The following EDDM13 variants were observed in gnomAD, a reference collection of about 807,000 sequenced individuals.
The protein encoded by EDDM13 is epididymal protein 13.
A neutral mutation model predicts 17.8 loss-of-function variants in EDDM13; 24 were observed. The ratio of observed to expected loss-of-function variants is 1.35; its 90% CI spans 0.98 to 1.90. The LOEUF is 1.90. EDDM13 is among the 40% of genes most tolerant of loss of function. The pLI is 0.00. For missense variants in EDDM13, 97 were observed against 100.8 expected (o/e 0.96, Z 0.16); for synonymous variants, 31 against 37.5 (o/e 0.83, Z 0.63).
chr19:56,273,124 C>T (rs2037974421), intron 1 of EDDM13, among the ~76,000 whole-genome samples: 2 of 152,304 alleles, frequency 1.3e-5, no homozygotes, highest in Non-Finnish European at 2.9e-5. Context: ...ACACTTGTGT[C>T]TGCATCCTGG....
chr19:56,301,369 C>T (rs1004391518), intron 12 of EDDM13, among the ~76,000 whole-genome samples: 3 of 152,016 alleles, frequency 2.0e-5, no homozygotes, highest in Non-Finnish European at 2.9e-5. Flanking sequence ...CTGAAGTTGC[C>T]ATGCCATCTG....
chr19:56,301,914 C>A, intron 12 of EDDM13, 54 bp from the exon 13 acceptor site: 1 of 1,231,884 alleles, frequency 8.1e-7, no homozygotes, highest in Non-Finnish European at 1.0e-6. Flanking sequence ...ACAGGAAGCT[C>A]TAAGGCAGGA....
intron 2 of EDDM13, among the ~76,000 whole-genome samples, chr19:56,278,232 T>C (rs982824640): frequency 2.6e-5 from 4 of 152,146 alleles, no homozygotes; most frequent in African/African-American, 9.7e-5. Context: ...AGCAATTATC[T>C]TGCCTCAGCA....
At chr19:56,304,948 T>C (rs896125594) in intron 14 of EDDM13, 118 bp downstream of exon 14, 10 of 248,770 alleles carry the variant, frequency 4.0e-5, no homozygotes, top group Admixed American at 3.9e-4. Context: ...GCTGCAATCA[T>C]AGAAACCCAG....
At chr19:56,282,257 G>C (rs967271876) in intron 3 of EDDM13, among the ~76,000 whole-genome samples, 29 of 152,114 alleles carry the variant, frequency 1.9e-4, no homozygotes, top group Non-Finnish European at 4.4e-5. Flanking sequence ...CAGGCCACTG[G>C]TACCCCTGAA....
chr19:56,288,045 G>A (rs755631071), intron 6 of EDDM13, among the ~76,000 whole-genome samples: 1 of 152,194 alleles, frequency 6.6e-6, no homozygotes, highest in Non-Finnish European at 1.5e-5. Context: ...GGCACAAGGA[G>A]ATGGAGTGAG....
intron 4 of EDDM13, 106 bp downstream of exon 4, chr19:56,282,605 C>T: frequency 1.6e-6 from 1 of 636,822 alleles, no homozygotes; most frequent in Non-Finnish European, 2.0e-6. Flanking sequence ...GGTCTGTTCA[C>T]AGCTTAGCTT....
At chr19:56,272,976 C>A in intron 1 of EDDM13, 57 bp downstream of exon 1, 1 of 765,156 alleles carries the variant, frequency 1.3e-6, no homozygotes, top group Non-Finnish European at 1.6e-6. Context: ...ACTTGGGAGG[C>A]TCTTGTGGGC....
At chr19:56,292,019 G>C (rs117377938) in intron 9 of EDDM13, among the ~76,000 whole-genome samples, 3,465 of 152,252 alleles carry the variant, frequency 0.023, 69 homozygotes, top group South Asian at 0.076. Context: ...AGGTATAAAG[G>C]TTAGGTAACT....
At chr19:56,302,638 T>C (rs1208321780) in intron 13 of EDDM13, among the ~76,000 whole-genome samples, 2 of 110,390 alleles carry the variant, frequency 1.8e-5, no homozygotes, top group Admixed American at 1.0e-4. Flanking sequence ...TCCTCCTCCC[T>C]TCCTTTTCTT....
intron 1 of EDDM13, among the ~76,000 whole-genome samples, chr19:56,273,696 G>T (rs1210160726): frequency 6.6e-6 from 1 of 152,136 alleles, no homozygotes; most frequent in East Asian, 1.9e-4. Flanking sequence ...AACGTGGTAG[G>T]CAGAAGGAGG....
intron 14 of EDDM13, among the ~76,000 whole-genome samples, chr19:56,305,632 G>A (rs1051241984): frequency 1.1e-4 from 17 of 152,126 alleles, no homozygotes; most frequent in African/African-American, 3.9e-4. Flanking sequence ...TGTTTATAAC[G>A]ACCCACTGAT....
At chr19:56,283,552 G>A (rs1041261082) in intron 4 of EDDM13, 2 of 152,162 alleles carry the variant, frequency 1.3e-5, no homozygotes, top group African/African-American at 2.4e-5. Context: ...ACCGAGAAAG[G>A]TGTTGCGAGC....
At chr19:56,295,000 G>C (rs1462532799) in intron 9 of EDDM13, 1 of 152,358 alleles carries the variant, frequency 6.6e-6, no homozygotes, top group East Asian at 1.9e-4. Context: ...CAGAGAGATG[G>C]GGAGTGACTG....
At position 56,289,578 on chromosome 19, in the gene EDDM13, C is replaced by T. The variant is rs1197847601; in HGVS notation, c.226+687C>T. ...AACTGTATGGCACATAGTTGGACCA[C>T]ACAAATGTTTCTCTTGTGTGTGGTG... On this transcript the variant is annotated intron_variant, in intron 8 of 14. Transcript: ENST00000649256. 2.6e-5 allele frequency among the ~76,000 whole-genome samples: 4 copies of T among 152,260 alleles called. No individual in the cohort carries two copies. In the East Asian group the frequency reaches 7.7e-4, roughly 29 times the overall value.
At chr19:56,288,923 T>TTAGATTCTCATA (rs2039326566) in intron 8 of EDDM13, among the ~76,000 whole-genome samples, 32 bp downstream of exon 8, 1 of 152,212 alleles carries the variant, frequency 6.6e-6, no homozygotes, top group Non-Finnish European at 1.5e-5. Flanking sequence ...GTCTCTGAAA[T>TTAGATTCTCATA]TAGATTCTCA....
chr19:56,274,049 T>C (rs1040140700), intron 1 of EDDM13, among the ~76,000 whole-genome samples: 1 of 151,938 alleles, frequency 6.6e-6, no homozygotes, highest in African/African-American at 2.4e-5. Context: ...CAGGATTGAG[T>C]GATGGGTCAG....
intron 4 of EDDM13, chr19:56,282,942 T>G (rs2038822820): frequency 6.6e-6 from 1 of 152,220 alleles, no homozygotes. Flanking sequence ...AGACCATGGC[T>G]TTGTCACTGA....
intron 2 of EDDM13, among the ~76,000 whole-genome samples, chr19:56,276,917 T>C (rs557738934): frequency 1.3e-5 from 2 of 152,030 alleles, no homozygotes; most frequent in African/African-American, 4.8e-5. Flanking sequence ...ACAAATATTA[T>C]AAATATTTAC....
Sources: allele counts gnomAD v4.1 joint callset (sites outside exome capture counted in the v4.1 genomes callset), GRCh38; gene constraint gnomAD v4.1.1; transcripts MANE v1.5; gene names NCBI Gene and HGNC (gene_info 2026-07-23, HGNC 2026-07-21).